KCNK2: variants seen among roughly 807,000 people sequenced by gnomAD.
KCNK2 encodes potassium two pore domain channel subfamily K member 2, also known as potassium channel subfamily K member 2.
KCNK2 carries 21 observed loss-of-function variants against 40.5 expected under a neutral mutation model. That is an observed-to-expected ratio of 0.52 (90% CI 0.37 to 0.75). The LOEUF is 0.75. Ranked by LOEUF, KCNK2 falls within the 30% of genes least tolerant of loss-of-function variation. KCNK2 has a pLI of 0.00. For missense variants in KCNK2, 399 were observed against 531.6 expected, an observed-to-expected ratio of 0.75 and a Z score of 2.45; for synonymous variants, 191 against 202.2, an observed-to-expected ratio of 0.94 and a Z score of 0.47.
intron 2 of KCNK2, among the ~76,000 whole-genome samples, chr1:215,121,911 A>G (rs746723327): frequency 4.6e-5 from 7 of 152,164 alleles, no homozygotes; most frequent in Middle Eastern, 3.2e-3. Flanking sequence ...AGAAATTCAA[A>G]CCAATACAGG....
At chr1:215,199,106 G>T (rs2102670633) in intron 6 of KCNK2, among the ~76,000 whole-genome samples, 1 of 152,106 alleles carries the variant, frequency 6.6e-6, no homozygotes, top group African/African-American at 2.4e-5. Context: ...TCAGGAGTTT[G>T]ATACCAGCCT....
chr1:215,157,519 C>T (rs938020682), intron 3 of KCNK2, among the ~76,000 whole-genome samples: 2 of 152,202 alleles, frequency 1.3e-5, no homozygotes, highest in African/African-American at 4.8e-5. Context: ...TCCTTCCACT[C>T]TCTTGTTATG....
chr1:215,127,730 A>G (rs1279352376), intron 3 of KCNK2, among the ~76,000 whole-genome samples: 1 of 152,148 alleles, frequency 6.6e-6, no homozygotes, highest in African/African-American at 2.4e-5. Context: ...ATTTTTAATT[A>G]TTTGCATCTT....
At chr1:215,225,260 A>C (rs769117974) in intron 6 of KCNK2, among the ~76,000 whole-genome samples, 1 of 152,184 alleles carries the variant, frequency 6.6e-6, no homozygotes, top group Non-Finnish European at 1.5e-5. Context: ...CAGTTTACTT[A>C]ATACAACCAT....
intron 1 of KCNK2, among the ~76,000 whole-genome samples, chr1:215,085,277 G>C (rs892041104): frequency 1.1e-4 from 17 of 152,102 alleles, no homozygotes; most frequent in Admixed American, 6.5e-4. Context: ...TGTTTGAGTT[G>C]ATGGTTTTTA....
chr1:215,146,255 G>A (rs1334857938), intron 3 of KCNK2, among the ~76,000 whole-genome samples: 1 of 152,072 alleles, frequency 6.6e-6, no homozygotes, highest in Non-Finnish European at 1.5e-5. Flanking sequence ...CTTTGCAAAG[G>A]AATAGCCCTT....
chr1:215,190,960 C>A (rs1166404529), intron 5 of KCNK2, among the ~76,000 whole-genome samples: 2 of 151,780 alleles, frequency 1.3e-5, no homozygotes, highest in Non-Finnish European at 2.9e-5. Flanking sequence ...GTTTACAGAG[C>A]CAATTTTTCT....
intron 1 of KCNK2, among the ~76,000 whole-genome samples, chr1:215,027,085 T>C (rs1442972463): frequency 6.6e-6 from 1 of 152,114 alleles, no homozygotes; most frequent in East Asian, 1.9e-4. Flanking sequence ...TTAAGTCTGC[T>C]TACCTTGTTT....
At chr1:215,155,676 C>T (rs544895363) in intron 3 of KCNK2, among the ~76,000 whole-genome samples, 111 of 152,194 alleles carry the variant, frequency 7.3e-4, no homozygotes, top group Non-Finnish European at 9.0e-4. Context: ...TGCACCACCA[C>T]ACACAGCTAA....
intron 5 of KCNK2, among the ~76,000 whole-genome samples, chr1:215,192,183 T>C (rs1664696239): frequency 6.6e-6 from 1 of 152,246 alleles, no homozygotes; most frequent in Non-Finnish European, 1.5e-5. Context: ...AATTGATTAA[T>C]GTGAAAATTA....
At chr1:215,147,163 T>C (rs1313097613) in intron 3 of KCNK2, among the ~76,000 whole-genome samples, 1 of 151,946 alleles carries the variant, frequency 6.6e-6, no homozygotes, top group African/African-American at 2.4e-5. Context: ...TTTTTATTCA[T>C]TTTTTTTCCT....
chr1:215,033,032 C>A (rs1217545396), intron 1 of KCNK2, among the ~76,000 whole-genome samples: 2 of 151,626 alleles, frequency 1.3e-5, no homozygotes, highest in Non-Finnish European at 2.9e-5. Context: ...CTTGAATTTT[C>A]TGTTCTGTTT....
chr1:215,007,193 A>ATATGTATATG (rs1656206337), intron 1 of KCNK2, among the ~76,000 whole-genome samples: 1 of 38,582 alleles, frequency 2.6e-5, no homozygotes, highest in African/African-American at 1.1e-4. Context: ...GGGTATATAT[A>ATATGTATATG]TATATATATA....
At chr1:215,128,550 G>T (rs1053507745) in intron 3 of KCNK2, among the ~76,000 whole-genome samples, 5 of 152,118 alleles carry the variant, frequency 3.3e-5, no homozygotes, top group African/African-American at 1.2e-4. Flanking sequence ...CACAGAGCAG[G>T]GGTTTCAGTG....
chr1:215,077,727 C>T (rs989235267), intron 1 of KCNK2, among the ~76,000 whole-genome samples: 3 of 152,062 alleles, frequency 2.0e-5, no homozygotes, highest in African/African-American at 7.2e-5. Flanking sequence ...CTGCAGTCTT[C>T]TTCCGAGCTC....
chr1:215,082,452 G>A (rs962438636), upstream of KCNK2, among the ~76,000 whole-genome samples: 3 of 152,174 alleles, frequency 2.0e-5, no homozygotes, highest in African/African-American at 7.2e-5. Flanking sequence ...CGCTGGTCGG[G>A]AAGGAGATAG....
At chr1:215,054,077 G>A (rs1422499655) in intron 1 of KCNK2, among the ~76,000 whole-genome samples, 2 of 152,198 alleles carry the variant, frequency 1.3e-5, no homozygotes, top group Non-Finnish European at 2.9e-5. Flanking sequence ...ATAAATGATA[G>A]CACAGACAGC....
intron 1 of KCNK2, among the ~76,000 whole-genome samples, chr1:215,030,313 G>A (rs1018618673): frequency 5.9e-5 from 9 of 152,016 alleles, no homozygotes; most frequent in African/African-American, 2.2e-4. Flanking sequence ...CCTTTATCAG[G>A]TATTTCCATT....
chr1:215,192,171 T>C (rs943114229), intron 5 of KCNK2, among the ~76,000 whole-genome samples: 2 of 152,222 alleles, frequency 1.3e-5, no homozygotes, highest in African/African-American at 4.8e-5. Context: ...TTAGATGAAG[T>C]GAATTGATTA....
Sources: gnomAD v4.1 joint callset for allele counts (sites outside exome capture counted in the v4.1 genomes callset) on GRCh38, gnomAD v4.1.1 for gene constraint, MANE v1.5 for transcripts, NCBI Gene and HGNC (gene_info 2026-07-23, HGNC 2026-07-21) for gene names.